Variants in AMBN observed in about 807,000 individuals in gnomAD.
The protein encoded by AMBN is enamel matrix protein.
In AMBN, 54 loss-of-function variants were observed where a neutral mutation model predicts 48.0. The observed-to-expected ratio is 1.12, with a 90% CI of 0.90 to 1.41. The LOEUF (loss-of-function observed/expected upper bound fraction) is 1.41. Ranked by LOEUF, AMBN falls within the 40% of genes most tolerant of loss-of-function variation. AMBN has a pLI of 0.00. For missense variants in AMBN, 571 were observed against 547.3 expected, an observed-to-expected ratio of 1.04 and a Z score of -0.43; for synonymous variants, 186 against 190.0, an observed-to-expected ratio of 0.98 and a Z score of 0.17.
chr4:70,604,051 A>C, intron 12 of AMBN, 130 bp downstream of exon 12: 1 of 768,674 alleles, frequency 1.3e-6, no homozygotes, highest in Non-Finnish European at 2.1e-6. Flanking sequence ...CCACTCCAAA[A>C]ACTAAGCTTA....
chr4:70,592,471 C>T lies in AMBN; in HGVS notation c.15+98C>T, dbSNP rs115893252. 1.7e-3 allele frequency: 2,300 copies of T among 1,330,556 alleles called. 29 individuals carry two copies. In the African/African-American group the frequency reaches 0.03, roughly 17 times the overall value. The allele number at this position is 1,330,556 out of a possible 1,614,324, so 82.4% of individuals were successfully genotyped here. A position where few individuals can be genotyped will look rare whatever the true frequency, so the allele number is the denominator to read the frequency against. ...AAAGAGGATTTATCTTCATTTGTCA[C>T]CAGTAGCTGAATTATTGCTTGTTGT... On this transcript the variant is annotated intron_variant, in intron 1 of 12. Coordinates refer to ENST00000322937, the MANE Select transcript of AMBN (RefSeq NM_016519.6).
In AMBN at chr4:70,605,963, C is replaced by G. The variant is rs558957844; in HGVS notation, c.799-222C>G. ...CTTCTGCCCTGTTATCTCCCTTTTA[C>G]GGAAATCATGCCGAGATCCACCCAG... On this transcript the variant is annotated intron_variant, in intron 12 of 12. Transcript: ENST00000322937. Among the ~76,000 whole-genome samples, 46 of 150,352 alleles carry G rather than the reference C, an allele frequency of 3.1e-4. 1 individual carries two copies. The highest frequency in any genetic ancestry group is 6.2e-4 in the Non-Finnish European group (42 of 67,414).
rs1412784217 is a variant in AMBN at position 70,602,966 on chromosome 4, A to G, written c.610-6A>G. ...CTGATAATTTTAATATTTATCTGTA[A>G]TATAGCTCCCAGGATTGGATTTTGC... On this transcript the variant is annotated splice_polypyrimidine_tract_variant and splice_region_variant and intron_variant, in intron 8 of 12. Coordinates refer to ENST00000322937, the MANE Select transcript of AMBN (RefSeq NM_016519.6). 1 of 1,601,494 alleles carries G rather than the reference A, an allele frequency of 6.2e-7. No homozygotes were observed. Among genetic ancestry groups the G allele is most frequent in the Non-Finnish European group, 8.5e-7 (1 of 1,173,498 alleles).
intron 3 of AMBN, 85 bp from the exon 4 acceptor site, chr4:70,598,271 T>C (rs1406430856): frequency 1.1e-5 from 10 of 886,106 alleles, no homozygotes; most frequent in African/African-American, 1.7e-5. Context: ...AAACTTTGTG[T>C]TGATAATGTC....
chr4:70,606,885 T>A lies in AMBN; in HGVS notation c.*155T>A. The A allele has an allele frequency of 1.3e-6, 1 of 781,944 alleles. No individual in the cohort carries two copies. The allele number at this position is 781,944 out of a possible 1,614,324, so 48.4% of individuals were successfully genotyped here. A position where few individuals can be genotyped will look rare whatever the true frequency, so the allele number is the denominator to read the frequency against. On this transcript the variant is annotated 3_prime_UTR_variant, in exon 13 of 13. Coordinates refer to ENST00000322937, the MANE Select transcript of AMBN (RefSeq NM_016519.6). ...TAAATGCAAGTGGCTAGAAATAGTGTAGGTCCCCTTCTTGCTTTCAATATC... is the reference window on the plus strand; with the variant it reads ...TAAATGCAAGTGGCTAGAAATAGTGAAGGTCCCCTTCTTGCTTTCAATATC...
Position 70,603,294 on chromosome 4 carries a change from C to T in AMBN, c.683C>T (p.Pro228Leu), listed in dbSNP as rs1177846005. Reference protein sequence around the residue: ...FQIARLISHGPMPQNKQSPLY... With the variant: ...FQIARLISHGLMPQNKQSPLY... ...ATAGCCCGTTTGATTTCTCACGGAC[C>T]AATGCCACAAAATAAACAATCTCCA... is the stretch of plus-strand genomic sequence containing the variant. The change falls in exon 10 of 13, where the codon CCA (proline) becomes CTA (leucine). Residue 228 changes from proline to leucine, a missense_variant. Physicochemically the swap from Pro to Leu is moderately conservative, Grantham distance 98. Transcript: ENST00000322937. 11 of 1,613,480 alleles carry T rather than the reference C, an allele frequency of 6.8e-6. No homozygotes were observed. The highest frequency in any genetic ancestry group is 2.2e-5 in the East Asian group (1 of 44,784).
intron 1 of AMBN, among the ~76,000 whole-genome samples, chr4:70,592,943 T>C (rs1737305362): frequency 6.6e-6 from 1 of 152,206 alleles, no homozygotes; most frequent in East Asian, 1.9e-4. Context: ...TCCCAAAGGG[T>C]AAGCAAAGTA....
intron 4 of AMBN, among the ~76,000 whole-genome samples, chr4:70,599,022 A>AC (rs964483275): frequency 6.7e-6 from 1 of 149,642 alleles, no homozygotes; most frequent in Non-Finnish European, 1.5e-5. Flanking sequence ...TGATCCACCC[A>AC]CCTCGGCCTC....
At chr4:70,601,981 T>G in intron 6 of AMBN, 1 of 486,816 alleles carries the variant, frequency 2.1e-6, no homozygotes, top group Non-Finnish European at 4.0e-6. Flanking sequence ...TGGTCTTTTT[T>G]GGTATTGGAA....
At chr4:70,602,426 A>T (rs371778201) in intron 6 of AMBN, among the ~76,000 whole-genome samples, 198 bp from the exon 7 acceptor site, 1 of 152,210 alleles carries the variant, frequency 6.6e-6, no homozygotes, top group African/African-American at 2.4e-5. Context: ...GTAAAAGACC[A>T]TTGCAAACTC....
intron 3 of AMBN, among the ~76,000 whole-genome samples, chr4:70,598,155 A>C (rs192030042): frequency 2.0e-5 from 3 of 152,360 alleles, no homozygotes; most frequent in Admixed American, 6.5e-5. Context: ...AAGCAACTGC[A>C]TTATTTTAAT....
Position 70,601,456 on chromosome 4 carries a change from A to G in AMBN, c.333A>G (p.Pro111=). 6.2e-7 allele frequency: 1 copy of G among 1,614,154 alleles called. No homozygotes were observed. Among genetic ancestry groups the G allele is most frequent in the Non-Finnish European group, 8.5e-7 (1 of 1,180,006 alleles). ...YSLPVHPPPL[P]SQPSLKPQQP... Reference sequence around the variant, plus strand: ...TGCCTGTGCATCCCCCACCTCTCCCATCACAGCCATCCTTGAAGCCTCAAC... The same window carrying G: ...TGCCTGTGCATCCCCCACCTCTCCCGTCACAGCCATCCTTGAAGCCTCAAC... Residue 111 remains proline (P), a synonymous_variant, in exon 6 of 13, where the codon CCA becomes CCG. Transcript: ENST00000322937.
At chr4:70,603,818 C>A in intron 11 of AMBN, 59 bp from the exon 12 acceptor site, 1 of 1,575,764 alleles carries the variant, frequency 6.3e-7, no homozygotes. Flanking sequence ...TTAACTTTGT[C>A]TTGAGTAGAT....
At chr4:70,601,709 A>C in intron 6 of AMBN, 55 bp downstream of exon 6, 1 of 1,536,966 alleles carries the variant, frequency 6.5e-7, no homozygotes, top group Non-Finnish European at 8.9e-7. Context: ...TAATAGAAGA[A>C]AACGAATTTG....
intron 6 of AMBN, 21 bp downstream of exon 6, chr4:70,601,675 T>G (rs1319745407): frequency 1.2e-6 from 2 of 1,607,820 alleles, no homozygotes; most frequent in African/African-American, 2.7e-5. Flanking sequence ...TCTCTTGAAG[T>G]CAGATCAGAA....
Position 70,598,351 on chromosome 4 carries a change from G to GAT in AMBN, c.136-3_136-2dup. The GAT allele has an allele frequency of 6.4e-7, 1 of 1,558,344 alleles. No individual in the cohort carries two copies. Among genetic ancestry groups the GAT allele is most frequent in the Non-Finnish European group, 8.7e-7 (1 of 1,152,700 alleles). On this transcript the variant is annotated splice_region_variant and splice_polypyrimidine_tract_variant and intron_variant, in intron 3 of 12. Coordinates refer to ENST00000322937, the MANE Select transcript of AMBN (RefSeq NM_016519.6). ...AAACAGTAACCCACTTTTTTTTCTT[G>GAT]ATAGACAATGAGACAGTTGGGAAGT...
chr4:70,605,726 C>A (rs1334703887), intron 12 of AMBN, among the ~76,000 whole-genome samples: 1 of 151,910 alleles, frequency 6.6e-6, no homozygotes. Flanking sequence ...AGTTCTAGAC[C>A]AGCAGCCTGG....
In AMBN at chr4:70,593,752, C is replaced by G. The variant is rs1184056583; in HGVS notation, c.84+357C>G. ...TGGTGGTGGGCACCTGTAATCCCAG[C>G]TACTTGGGAGGCTGAGGCAGGAGAA... On this transcript the variant is annotated intron_variant, in intron 2 of 12. Transcript: ENST00000322937. Among the ~76,000 whole-genome samples the G allele has an allele frequency of 2.6e-5, 4 of 151,922 alleles. No homozygotes were observed. The East Asian group carries it at 7.7e-4, about 29-fold the overall frequency.
intron 3 of AMBN, among the ~76,000 whole-genome samples, chr4:70,597,786 C>G (rs1271586148): frequency 6.6e-6 from 1 of 152,082 alleles, no homozygotes; most frequent in Non-Finnish European, 1.5e-5. Flanking sequence ...AAACTCAATC[C>G]AAAGCATTCT....
Sources: allele counts gnomAD v4.1 joint callset (sites outside exome capture counted in the v4.1 genomes callset), GRCh38; gene constraint gnomAD v4.1.1; transcripts MANE v1.5; gene names NCBI Gene and HGNC (gene_info 2026-07-23, HGNC 2026-07-21).